The following COL2A1 variants were observed in gnomAD, a reference collection of about 807,000 sequenced individuals.
COL2A1 encodes collagen alpha-1(II) chain.
COL2A1 carries 28 observed loss-of-function variants against 204.5 expected under a neutral mutation model. The observed-to-expected ratio is 0.14, with a 90% CI of 0.10 to 0.19. The LOEUF is 0.19. Among genes scored for constraint, COL2A1 ranks in the 10% least tolerant of loss-of-function variants. The pLI is 1.00. For missense variants in COL2A1, 1,388 were observed against 2,027.5 expected (o/e 0.68, Z 6.06); for synonymous variants, 708 against 718.7 (o/e 0.99, Z 0.24).
chr12:47,989,378 T>A, intron 17 of COL2A1, 97 bp from the exon 18 acceptor site: 1 of 1,003,456 alleles, frequency 1.0e-6, no homozygotes, highest in Admixed American at 2.0e-5. Flanking sequence ...TCCTCTGTAC[T>A]GATTTCACTC....
chr12:47,982,449 A>T, intron 34 of COL2A1, 53 bp downstream of exon 34: 5 of 1,431,540 alleles, frequency 3.5e-6, no homozygotes, highest in Non-Finnish European at 4.9e-6. Context: ...CACAAGGGGC[A>T]GGAATGTGGC....
intron 41 of COL2A1, among the ~76,000 whole-genome samples, chr12:47,979,073 C>T (rs1938893193): frequency 6.6e-6 from 1 of 152,022 alleles, no homozygotes; most frequent in Non-Finnish European, 1.5e-5. Context: ...CCAGCCCTGC[C>T]CCTCTGACCC....
In COL2A1 at chr12:47,975,623, G is replaced by C. The variant is rs1938667572; in HGVS notation, c.3598-18C>G. Reference sequence around the variant, plus strand: ...GGAGGACCCTGCAGCAGGAAACAGAGAGATCAGCCAGGATTGTGTGAAAGT... The same window carrying C: ...GGAGGACCCTGCAGCAGGAAACAGACAGATCAGCCAGGATTGTGTGAAAGT... On this transcript the variant is annotated intron_variant, in intron 50 of 53. Coordinates refer to ENST00000380518, the MANE Select transcript of COL2A1 (RefSeq NM_001844.5). 6.3e-7 allele frequency: 1 copy of C among 1,598,088 alleles called. No homozygotes were observed. The highest frequency in any genetic ancestry group is 8.5e-7 in the Non-Finnish European group (1 of 1,179,464).
At position 47,998,291 on chromosome 12, in the gene COL2A1, C is replaced by G. The variant is rs1256577491; in HGVS notation, c.310-90G>C. The G allele has an allele frequency of 3.8e-6, 6 of 1,564,320 alleles. No homozygotes were observed. In the African/African-American group the frequency reaches 4.1e-5, roughly 11 times the overall value. On this transcript the variant is annotated intron_variant, in intron 3 of 53. Coordinates refer to ENST00000380518, the MANE Select transcript of COL2A1 (RefSeq NM_001844.5). ...TGCCAGCAGCCCCTGTGTTGAGGTA[C>G]CCTCTGAAACAGATATCTTCTGATG...
Position 47,987,413 on chromosome 12 carries a change from C to T in COL2A1, c.1222-100G>A, listed in dbSNP as rs554805773. ...CCAGGGACCTGGCATAGGTGCTGTC[C>T]ATTTCAGGGACATTCCCACTATGTG... On this transcript the variant is annotated intron_variant, in intron 19 of 53. Transcript: ENST00000380518. This position sits in a 1 kb window ranked among gnomAD's most constrained non-coding sequence, Gnocchi z 4.1. 182 of 1,300,334 alleles carry T rather than the reference C, an allele frequency of 1.4e-4. No homozygotes were observed. The highest frequency in any genetic ancestry group is 1.9e-4 in the Non-Finnish European group (174 of 906,084). The allele number at this position is 1,300,334 out of a possible 1,614,324, so 80.5% of individuals were successfully genotyped here. A position where few individuals can be genotyped will look rare whatever the true frequency, so the allele number is the denominator to read the frequency against.
At chr12:47,995,231 ATT>A in intron 11 of COL2A1, 22 bp downstream of exon 11, 2 of 1,603,098 alleles carry the variant, frequency 1.2e-6, no homozygotes, top group Non-Finnish European at 1.7e-6. Flanking sequence ...GCAGCTCCTC[ATT>A]TGTCTACTCG....
intron 15 of COL2A1, among the ~76,000 whole-genome samples, 175 bp downstream of exon 15, chr12:47,993,283 G>C (rs1391186210): frequency 6.6e-6 from 1 of 152,182 alleles, no homozygotes; most frequent in African/African-American, 2.4e-5. Flanking sequence ...GGTATCTTAA[G>C]GAAATGTTGG....
chr12:47,993,589 C>A, intron 14 of COL2A1, 87 bp from the exon 15 acceptor site: 1 of 1,270,784 alleles, frequency 7.9e-7, no homozygotes, highest in South Asian at 1.2e-5. Context: ...AAGCCCTGGT[C>A]ATCTCAGCTC....
Position 47,989,742 on chromosome 12 carries a change from G to A in COL2A1, c.1068+19C>T, listed in dbSNP as rs1456362668. On this transcript the variant is annotated intron_variant, in intron 17 of 53. Coordinates refer to ENST00000380518, the MANE Select transcript of COL2A1 (RefSeq NM_001844.5). ...TAAAGCACAGCAACAATGACCTGCT[G>A]AGGATGAAATGAACTTACCGGAGGC... The A allele has an allele frequency of 1.2e-6, 2 of 1,612,358 alleles. No homozygotes were observed. The highest frequency in any genetic ancestry group is 1.7e-6 in the Non-Finnish European group (2 of 1,178,814).
chr12:48,000,203 G>A (rs1363366056), intron 1 of COL2A1, 78 bp from the exon 2 acceptor site: 4 of 1,019,690 alleles, frequency 3.9e-6, no homozygotes, highest in Non-Finnish European at 4.5e-6. Context: ...AAAGAGAGAG[G>A]TTGCAGTCAA....
In COL2A1 at chr12:47,983,729, G is replaced by C; in HGVS notation, c.1949C>G (p.Ala650Gly). The change falls in exon 30 of 54, where the codon GCT becomes GGT. Residue 650 changes from alanine to glycine, a missense_variant. Around this residue, in one of 3 missense-constraint regions of COL2A1, gnomAD observed 884 missense variants for 1,415.8 expected, o/e 0.62. Transcript: ENST00000380518. ...AAGPPGPAGP[A>G]GERGEQGAPG... ...AGCACCCTGCTCGCCTCGTTCACCA[G>C]CAGGTCCCTGCAGTGGAAAAGAAAA... 6.3e-7 allele frequency: 1 copy of C among 1,589,554 alleles called. No individual in the cohort carries two copies. The highest frequency in any genetic ancestry group is 1.1e-5 in the South Asian group (1 of 87,032).
intron 1 of COL2A1, chr12:48,002,509 G>C (rs1342414612): frequency 6.6e-6 from 1 of 152,188 alleles, no homozygotes; most frequent in East Asian, 1.9e-4. Context: ...CTGGGAGGAG[G>C]AGCGACTGGA....
chr12:47,978,407 G>A lies in COL2A1; in HGVS notation c.2896-9C>T. 1.2e-6 allele frequency: 2 copies of A among 1,612,820 alleles called. No homozygotes were observed. The highest frequency in any genetic ancestry group is 1.7e-6 in the Non-Finnish European group (2 of 1,179,382). Reference sequence around the variant, plus strand: ...GGTGGACCTTCGGCACCCTGAGAGAGGAGAGGCAGGAGATGAGAACTGACA... The same window carrying A: ...GGTGGACCTTCGGCACCCTGAGAGAAGAGAGGCAGGAGATGAGAACTGACA... On this transcript the variant is annotated splice_polypyrimidine_tract_variant and intron_variant, in intron 42 of 53. Transcript: ENST00000380518. This position sits in a 1 kb window ranked among gnomAD's most constrained non-coding sequence, Gnocchi z 5.5.
rs200214562 is a variant in COL2A1, at chr12:47,973,527, A to G, written c.4344T>C (p.Thr1448=). The G allele has an allele frequency of 2.1e-4, 331 of 1,614,134 alleles. 2 individuals are homozygous for G. In the Admixed American group the frequency reaches 5.4e-3, roughly 26 times the overall value. The change falls in exon 54 of 54, where the codon ACT becomes ACC. Residue 1448 remains threonine (T), a synonymous_variant. Transcript: ENST00000380518. ...CTKHTGKWGK[T]VIEYRSQKTS... is the part of the protein sequence containing the mutation. ...TCTTCTGTGACCGGTACTCGATAACAGTCTTGCCCCACTTACCGGTATGTT... is the reference window on the plus strand; with the variant it reads ...TCTTCTGTGACCGGTACTCGATAACGGTCTTGCCCCACTTACCGGTATGTT...
intron 29 of COL2A1, 105 bp from the exon 30 acceptor site, chr12:47,983,841 C>A: frequency 5.0e-6 from 6 of 1,190,614 alleles, no homozygotes; most frequent in South Asian, 1.3e-5. Flanking sequence ...GCACAGGCGT[C>A]TTCCTGCACC....
chr12:47,980,523 G>A lies in COL2A1; in HGVS notation c.2625+31C>T, dbSNP rs1272850552. On this transcript the variant is annotated intron_variant, in intron 39 of 53. Transcript: ENST00000380518. The surrounding 1 kb of genome is among the most constrained non-coding windows in gnomAD (Gnocchi z 4.5). ...TGCACGCCAGGAGCCCTTCCTTGAG[G>A]GAACAATTCTTGGAGTGCAGCGTTA... 2 of 1,559,600 alleles carry A rather than the reference G, an allele frequency of 1.3e-6. No homozygotes were observed.
chr12:47,985,898 C>T lies in COL2A1; in HGVS notation c.1581+14G>A. 6.4e-7 allele frequency: 1 copy of T among 1,556,386 alleles called. No homozygotes were observed. The highest frequency in any genetic ancestry group is 8.7e-7 in the Non-Finnish European group (1 of 1,149,354). On this transcript the variant is annotated intron_variant, in intron 24 of 53. Coordinates refer to ENST00000380518, the MANE Select transcript of COL2A1 (RefSeq NM_001844.5). ...GATGCAGGGAGGGACCCCAGCCCCT[C>T]TTCTCCCACTCACCTTGGGACCTGC...
Position 47,980,211 on chromosome 12 carries a change from G to A in COL2A1, c.2626-149C>T. ...CAGCCTGAAGAGGCTGCCACAGGCAGCTCTGTCCCCTCTGCCACAGGAGAC... is the reference window on the plus strand; with the variant it reads ...CAGCCTGAAGAGGCTGCCACAGGCAACTCTGTCCCCTCTGCCACAGGAGAC... On this transcript the variant is annotated intron_variant, in intron 39 of 53. Transcript: ENST00000380518. This position sits in a 1 kb window ranked among gnomAD's most constrained non-coding sequence, Gnocchi z 4.5. 1 of 731,962 alleles carries A rather than the reference G, an allele frequency of 1.4e-6. No individual in the cohort carries two copies. The highest frequency in any genetic ancestry group is 2.4e-6 in the Non-Finnish European group (1 of 420,348). 45.3% of individuals were successfully genotyped at this position (731,962 alleles called of 1,614,324 possible).
chr12:47,998,510 T>C lies in COL2A1; in HGVS notation c.293-79A>G, dbSNP rs139827572. ...ATACCTATTCTTGTCACTCAAACAC[T>C]CATTAGATCAAACAAGTAAAAGGAC... is the stretch of plus-strand genomic sequence containing the variant. On this transcript the variant is annotated intron_variant, in intron 2 of 53. Coordinates refer to ENST00000380518, the MANE Select transcript of COL2A1 (RefSeq NM_001844.5). 253 of 1,413,820 alleles carry C rather than the reference T, an allele frequency of 1.8e-4. 1 individual carries two copies. The East Asian group carries it at 5.4e-3, about 30-fold the overall frequency. 87.6% of individuals were successfully genotyped at this position (1,413,820 alleles called of 1,614,324 possible).
Sources: gnomAD v4.1 joint callset for allele counts (sites outside exome capture counted in the v4.1 genomes callset) on GRCh38, gnomAD v4.1.1 for gene constraint, gnomAD v4.1.1 regional missense constraint, Gnocchi (gnomAD v3.1) non-coding constraint, MANE v1.5 for transcripts, NCBI Gene and HGNC (gene_info 2026-07-23, HGNC 2026-07-21) for gene names.